PIK3C2G: variants seen among roughly 807,000 people sequenced by gnomAD.
PIK3C2G encodes phosphatidylinositol-4-phosphate 3-kinase catalytic subunit type 2 gamma, also known as phosphatidylinositol 3-kinase C2 domain-containing subunit gamma.
PIK3C2G carries 168 observed loss-of-function variants against 181.1 expected under a neutral mutation model. The ratio of observed to expected loss-of-function variants is 0.93; its 90% CI spans 0.82 to 1.05. The LOEUF is 1.05. Ranked by LOEUF, PIK3C2G falls within the 50% of genes least tolerant of loss-of-function variation. The pLI is 0.00. For synonymous variants in PIK3C2G, 573 were observed against 592.2 expected, an observed-to-expected ratio of 0.97 and a Z score of 0.47; for missense variants, 1,869 against 1,732.8, an observed-to-expected ratio of 1.08 and a Z score of -1.40.
chr12:18,721,841 T>G, the PIK3C2G span, among the ~76,000 whole-genome samples: 2 of 152,036 alleles, frequency 1.3e-5, no homozygotes, highest in Non-Finnish European at 2.9e-5. Context: ...GAGACCAAAT[T>G]GTCACTAAGA....
intron 24 of PIK3C2G, among the ~76,000 whole-genome samples, chr12:18,507,806 G>A (rs926219837): frequency 6.6e-6 from 1 of 152,082 alleles, no homozygotes; most frequent in Admixed American, 6.6e-5. Flanking sequence ...AAAAGTTCCA[G>A]TTGGCAGACA....
intron 18 of PIK3C2G, among the ~76,000 whole-genome samples, chr12:18,442,724 C>A (rs1946810773): frequency 6.6e-6 from 1 of 152,052 alleles, no homozygotes; most frequent in Non-Finnish European, 1.5e-5. Context: ...CAGATATTAA[C>A]AACATTTACA....
intron 18 of PIK3C2G, among the ~76,000 whole-genome samples, chr12:18,432,536 TAA>T (rs747771202): frequency 2.0e-4 from 31 of 152,186 alleles, no homozygotes; most frequent in Non-Finnish European, 3.8e-4. Context: ...AGATTTGGGT[TAA>T]GTCCCTGAAA....
At chr12:18,394,097 G>A (rs543559766) in intron 15 of PIK3C2G, among the ~76,000 whole-genome samples, 1 of 152,200 alleles carries the variant, frequency 6.6e-6, no homozygotes, top group East Asian at 1.9e-4. Flanking sequence ...ACAATGCTGG[G>A]AGACATAGAA....
chr12:18,567,090 A>T (rs1416931071), intron 29 of PIK3C2G, 33 bp downstream of exon 29: 1 of 966,654 alleles, frequency 1.0e-6, no homozygotes, highest in Non-Finnish European at 1.6e-6. Flanking sequence ...ATTTTTACAT[A>T]AAACATCAAC....
chr12:18,562,969 C>T (rs945046896), intron 27 of PIK3C2G, 77 bp downstream of exon 27: 2 of 912,804 alleles, frequency 2.2e-6, no homozygotes, highest in Non-Finnish European at 3.4e-6. Flanking sequence ...TGCTACACAG[C>T]CTTTCTTATA....
chr12:18,345,979 C>G (rs1939634086), intron 10 of PIK3C2G, among the ~76,000 whole-genome samples: 1 of 152,154 alleles, frequency 6.6e-6, no homozygotes, highest in South Asian at 2.1e-4. Flanking sequence ...GCTCCTATAA[C>G]TAGTAATTTT....
At chr12:18,661,685 A>T in the PIK3C2G span, among the ~76,000 whole-genome samples, 1 of 152,166 alleles carries the variant, frequency 6.6e-6, no homozygotes, top group Non-Finnish European at 1.5e-5. Context: ...GGATGCTTAT[A>T]CACTGCTGGT....
chr12:18,619,883 C>T (rs1030926720), intron 31 of PIK3C2G, among the ~76,000 whole-genome samples: 1 of 151,860 alleles, frequency 6.6e-6, no homozygotes, highest in East Asian at 1.9e-4. Context: ...CACCACCACT[C>T]CCGGTTAATT....
chr12:18,293,868 T>G (rs755813469), intron 4 of PIK3C2G, 33 bp from the exon 5 acceptor site: 41 of 1,060,930 alleles, frequency 3.9e-5, no homozygotes, highest in Non-Finnish European at 5.9e-6. Flanking sequence ...TGATACACTT[T>G]TATTGACTTT....
intron 24 of PIK3C2G, among the ~76,000 whole-genome samples, chr12:18,506,117 G>T (rs1350360009): frequency 2.0e-5 from 3 of 152,166 alleles, no homozygotes; most frequent in African/African-American, 7.2e-5. Flanking sequence ...ATGACAAAGA[G>T]CTGTGTCCTT....
intron 31 of PIK3C2G, among the ~76,000 whole-genome samples, chr12:18,617,142 G>A (rs1948640700): frequency 6.6e-6 from 1 of 151,814 alleles, no homozygotes; most frequent in Non-Finnish European, 1.5e-5. Context: ...GGAGATTTTT[G>A]CCATCTGAGG....
chr12:18,594,985 T>A (rs1043550998), intron 30 of PIK3C2G, among the ~76,000 whole-genome samples: 60 of 152,182 alleles, frequency 3.9e-4, no homozygotes, highest in African/African-American at 1.3e-3. Context: ...GGTTGAGAAC[T>A]TTTTTTATTT....
the PIK3C2G span, among the ~76,000 whole-genome samples, chr12:18,664,276 A>G: frequency 2.0e-5 from 3 of 152,228 alleles, no homozygotes; most frequent in South Asian, 2.1e-4. Context: ...TTCTGAATAT[A>G]TACCAAAAAA....
At chr12:18,718,012 A>G in the PIK3C2G span, among the ~76,000 whole-genome samples, 1 of 152,206 alleles carries the variant, frequency 6.6e-6, no homozygotes, top group Admixed American at 6.6e-5. Flanking sequence ...AAGGGTAAAC[A>G]ACCAAAACTC....
intron 31 of PIK3C2G, among the ~76,000 whole-genome samples, chr12:18,620,273 T>A (rs1484468761): frequency 7.9e-5 from 12 of 152,156 alleles, no homozygotes; most frequent in African/African-American, 2.9e-4. Context: ...TGTATAATGT[T>A]GCATACAAAT....
chr12:18,614,310 T>A (rs534304433), intron 31 of PIK3C2G, among the ~76,000 whole-genome samples: 2 of 152,236 alleles, frequency 1.3e-5, no homozygotes, highest in Non-Finnish European at 2.9e-5. Context: ...TTTCATGACT[T>A]TTTTTGCCAA....
the PIK3C2G span, among the ~76,000 whole-genome samples, chr12:18,713,404 A>G: frequency 9.2e-5 from 14 of 152,202 alleles, no homozygotes; most frequent in Admixed American, 9.2e-4. Context: ...TCAGAATAGT[A>G]AAATATATTA....
chr12:18,624,690 C>G (rs1949016690), intron 31 of PIK3C2G, among the ~76,000 whole-genome samples: 1 of 151,428 alleles, frequency 6.6e-6, no homozygotes. Context: ...TGAGGAGAGA[C>G]TTTTTATTAC....
Sources: gnomAD v4.1 joint callset for allele counts (sites outside exome capture counted in the v4.1 genomes callset) on GRCh38, gnomAD v4.1.1 for gene constraint, MANE v1.5 for transcripts, NCBI Gene and HGNC (gene_info 2026-07-23, HGNC 2026-07-21) for gene names.